SPIDR: variants seen among roughly 807,000 people sequenced by gnomAD.
The protein encoded by SPIDR is DNA repair-scaffolding protein.
A neutral mutation model predicts 104.6 loss-of-function variants in SPIDR; 93 were observed. The observed-to-expected ratio is 0.89, with a 90% CI of 0.75 to 1.06. The LOEUF (loss-of-function observed/expected upper bound fraction) is 1.06. Ranked by LOEUF, SPIDR falls within the 50% of genes least tolerant of loss-of-function variation. The pLI is 0.00. For missense variants in SPIDR, 1,154 were observed against 1,111.2 expected, an observed-to-expected ratio of 1.04 and a Z score of -0.55; for synonymous variants, 431 against 416.9, an observed-to-expected ratio of 1.03 and a Z score of -0.41.
At chr8:47,592,287 G>T in intron 8 of SPIDR, 1 of 1,140,574 alleles carries the variant, frequency 8.8e-7, no homozygotes, top group Non-Finnish European at 1.3e-6. Flanking sequence ...TGGGTTGATA[G>T]CAGAACTGTG....
At chr8:47,320,366 T>A (rs2046313194) in intron 5 of SPIDR, among the ~76,000 whole-genome samples, 2 of 152,220 alleles carry the variant, frequency 1.3e-5, no homozygotes, top group African/African-American at 2.4e-5. Context: ...GATACATTCC[T>A]GGACACATAC....
intron 10 of SPIDR, among the ~76,000 whole-genome samples, chr8:47,622,980 GT>G (rs1482627671): frequency 6.6e-6 from 1 of 152,194 alleles, no homozygotes; most frequent in Non-Finnish European, 1.5e-5. Context: ...GCCCACAGCA[GT>G]CTCAGTATCC....
At chr8:47,411,626 T>C (rs1300428347) in intron 7 of SPIDR, among the ~76,000 whole-genome samples, 1 of 152,208 alleles carries the variant, frequency 6.6e-6, no homozygotes, top group Non-Finnish European at 1.5e-5. Flanking sequence ...CTGATGGTAG[T>C]TTCTTTTGCT....
At chr8:47,466,900 A>AAAT (rs34970317) in intron 8 of SPIDR, among the ~76,000 whole-genome samples, 1,254 of 114,302 alleles carry the variant, frequency 0.011, 45 homozygotes, top group Middle Eastern at 0.015. Flanking sequence ...AAAAAAAAAA[A>AAAT]ATATATATAT....
At chr8:47,445,680 G>C (rs1338967672) in intron 8 of SPIDR, among the ~76,000 whole-genome samples, 1 of 152,188 alleles carries the variant, frequency 6.6e-6, no homozygotes, top group Non-Finnish European at 1.5e-5. Context: ...AGTTAGACAA[G>C]TTATGAATGA....
intron 10 of SPIDR, chr8:47,667,922 G>C (rs2154468444): frequency 6.6e-6 from 1 of 152,128 alleles, no homozygotes; most frequent in African/African-American, 2.4e-5. Flanking sequence ...TAAGAATACT[G>C]TAGCATCTTC....
chr8:47,405,245 C>T (rs1489987172), intron 6 of SPIDR, among the ~76,000 whole-genome samples: 2 of 151,420 alleles, frequency 1.3e-5, no homozygotes, highest in African/African-American at 2.4e-5. Flanking sequence ...AGGAGAAATA[C>T]CTAATGTAGA....
intron 8 of SPIDR, among the ~76,000 whole-genome samples, chr8:47,587,265 T>C (rs1238798621): frequency 6.6e-6 from 1 of 152,178 alleles, no homozygotes; most frequent in Admixed American, 6.5e-5. Context: ...TATATTTTTC[T>C]GCCTATGATT....
At position 47,627,988 on chromosome 8, in the gene SPIDR, C is replaced by A. The variant is rs924076728; in HGVS notation, c.1544+28792C>A. Reference sequence around the variant, plus strand: ...CTTCTGATGAAAACAGATTTTGTTACTCATGATACCACTGACTGTGTTTAC... The same window carrying A: ...CTTCTGATGAAAACAGATTTTGTTAATCATGATACCACTGACTGTGTTTAC... On this transcript the variant is annotated intron_variant, in intron 10 of 19. Transcript: ENST00000297423. 9.3e-4 allele frequency among the ~76,000 whole-genome samples: 142 copies of A among 152,328 alleles called. 1 individual carries two copies. The highest frequency in any genetic ancestry group is 1.0e-4 in the Non-Finnish European group (7 of 68,024).
chr8:47,352,289 AAAAG>A (rs1554622941), intron 5 of SPIDR, among the ~76,000 whole-genome samples: 21 of 151,924 alleles, frequency 1.4e-4, no homozygotes, highest in African/African-American at 3.9e-4. Flanking sequence ...AAAAAAAAAA[AAAAG>A]AAAGAAAGAA....
chr8:47,323,117 A>T (rs542755617), intron 5 of SPIDR, among the ~76,000 whole-genome samples: 2 of 152,006 alleles, frequency 1.3e-5, no homozygotes, highest in Non-Finnish European at 2.9e-5. Flanking sequence ...GAAAAAAAAA[A>T]GAAAAGTAAG....
intron 8 of SPIDR, among the ~76,000 whole-genome samples, chr8:47,564,720 A>T (rs1382892904): frequency 6.6e-6 from 1 of 151,878 alleles, no homozygotes; most frequent in African/African-American, 2.4e-5. Context: ...TAGTTAAGGA[A>T]ATTTTCATCA....
chr8:47,490,182 G>A (rs1374424910), intron 8 of SPIDR, among the ~76,000 whole-genome samples: 2 of 152,196 alleles, frequency 1.3e-5, no homozygotes, highest in Admixed American at 6.5e-5. Flanking sequence ...CAAAAAGTGG[G>A]CGAAGGATAT....
chr8:47,571,066 G>A (rs2058459382), intron 8 of SPIDR, among the ~76,000 whole-genome samples: 1 of 152,048 alleles, frequency 6.6e-6, no homozygotes. Context: ...ACTCCAGCTT[G>A]GGCTACGGAG....
intron 10 of SPIDR, among the ~76,000 whole-genome samples, chr8:47,656,997 G>A (rs1225729289): frequency 1.3e-5 from 2 of 152,162 alleles, no homozygotes; most frequent in Admixed American, 6.5e-5. Flanking sequence ...TTGTTGCCAG[G>A]GACTCAGGGG....
At chr8:47,428,683 G>C (rs367632199) in intron 7 of SPIDR, among the ~76,000 whole-genome samples, 1 of 152,030 alleles carries the variant, frequency 6.6e-6, no homozygotes, top group Admixed American at 6.6e-5. Context: ...TAATTTTGTA[G>C]GTCAGCATCT....
chr8:47,515,180 A>G (rs1172603826), intron 8 of SPIDR, among the ~76,000 whole-genome samples: 1 of 152,144 alleles, frequency 6.6e-6, no homozygotes, highest in Non-Finnish European at 1.5e-5. Flanking sequence ...CTTTCTGACA[A>G]TAGCCCATTA....
intron 10 of SPIDR, among the ~76,000 whole-genome samples, chr8:47,602,882 C>T (rs1263167969): frequency 6.6e-6 from 1 of 152,090 alleles, no homozygotes; most frequent in African/African-American, 2.4e-5. Flanking sequence ...TGTTAGAGTC[C>T]CCTGTCCATT....
intron 8 of SPIDR, among the ~76,000 whole-genome samples, chr8:47,518,816 T>C (rs961103108): frequency 2.0e-5 from 3 of 152,034 alleles, no homozygotes; most frequent in Non-Finnish European, 2.9e-5. Context: ...TTTGTATTTT[T>C]AGTAAAGACA....
Sources: allele counts gnomAD v4.1 joint callset (sites outside exome capture counted in the v4.1 genomes callset), GRCh38; gene constraint gnomAD v4.1.1; transcripts MANE v1.5; gene names NCBI Gene and HGNC (gene_info 2026-07-23, HGNC 2026-07-21).